The following TIA1 variants were observed in gnomAD, a reference collection of about 807,000 sequenced individuals.
TIA1 encodes cytotoxic granule associated RNA binding protein TIA1.
TIA1 carries 23 observed loss-of-function variants against 65.9 expected under a neutral mutation model. That is an observed-to-expected ratio of 0.35 (90% CI 0.25 to 0.49). The LOEUF (loss-of-function observed/expected upper bound fraction) is 0.49, where lower values mean the gene tolerates loss of function less well. Ranked by LOEUF, TIA1 falls within the 20% of genes least tolerant of loss-of-function variation. TIA1 has a pLI of 0.98. For missense variants in TIA1, 371 were observed against 477.9 expected (o/e 0.78, Z 2.09); for synonymous variants, 147 against 149.4 (o/e 0.98, Z 0.12).
At chr2:70,243,466 A>C (rs2104742663) in intron 1 of TIA1, among the ~76,000 whole-genome samples, 2 of 152,274 alleles carry the variant, frequency 1.3e-5, no homozygotes, top group South Asian at 4.1e-4. Context: ...TAGAATAGTA[A>C]GTGCTTGTGT....
At chr2:70,247,002 G>C (rs1474594054) in intron 1 of TIA1, among the ~76,000 whole-genome samples, 1 of 152,184 alleles carries the variant, frequency 6.6e-6, no homozygotes, top group Non-Finnish European at 1.5e-5. Context: ...AGAATATTAA[G>C]TTTACATTAT....
At chr2:70,236,240 C>A in intron 1 of TIA1, 65 bp from the exon 2 acceptor site, 1 of 1,112,758 alleles carries the variant, frequency 9.0e-7, no homozygotes, top group Non-Finnish European at 1.3e-6. Context: ...CTCTTGTTGC[C>A]CAGGATAGAG....
chr2:70,236,026 A>T, intron 2 of TIA1, 53 bp downstream of exon 2: 1 of 1,092,654 alleles, frequency 9.2e-7, no homozygotes, highest in Non-Finnish European at 1.4e-6. Flanking sequence ...CAATGGCTTT[A>T]AGTAATGTGT....
Position 70,210,555 on chromosome 2 carries a change from T to C in TIA1, c.*2164A>G, listed in dbSNP as rs957563965. 6.6e-6 allele frequency: 1 copy of C among 152,148 alleles called. No homozygotes were observed. The highest frequency in any genetic ancestry group is 1.5e-5 in the Non-Finnish European group (1 of 68,012). 9.4% of individuals were successfully genotyped at this position (152,148 alleles called of 1,614,324 possible). ...TTTTAAGATTTGTGCAATAAGCCAA[T>C]ATGCTGGATAATAAAAACTGTTATT... is the stretch of plus-strand genomic sequence containing the variant. On this transcript the variant is annotated 3_prime_UTR_variant, in exon 13 of 13. Coordinates refer to ENST00000433529, the MANE Select transcript of TIA1 (RefSeq NM_022173.4).
intron 7 of TIA1, among the ~76,000 whole-genome samples, chr2:70,220,917 C>A (rs1380648086): frequency 6.6e-6 from 1 of 151,410 alleles, no homozygotes; most frequent in African/African-American, 2.4e-5. Context: ...TATAACCCCA[C>A]CACTTTGGGA....
rs1201527452 is a variant in TIA1, at chr2:70,210,254, T to C, written c.*2465A>G. 1 of 152,292 alleles carries C rather than the reference T, an allele frequency of 6.6e-6. No homozygotes were observed. Among genetic ancestry groups the C allele is most frequent in the Admixed American group, 6.5e-5 (1 of 15,284 alleles). 9.4% of individuals were successfully genotyped at this position (152,292 alleles called of 1,614,324 possible). A position where few individuals can be genotyped will look rare whatever the true frequency, so the allele number is the denominator to read the frequency against. ...ATATCCAAACATTCAGGGTAAAGAA[T>C]ACTGGATTAATCACCCATTAAGTGT... On this transcript the variant is annotated 3_prime_UTR_variant, in exon 13 of 13. Coordinates refer to ENST00000433529, the MANE Select transcript of TIA1 (RefSeq NM_022173.4).
In TIA1 at chr2:70,209,716, G is replaced by A. The variant is rs1339221833; in HGVS notation, c.*3003C>T. ...TCGTGAAATAAAGAACATTATTTGAGAGAAAAAAACTGATTTTTTTTAAAG... is the reference window on the plus strand; with the variant it reads ...TCGTGAAATAAAGAACATTATTTGAAAGAAAAAAACTGATTTTTTTTAAAG... On this transcript the variant is annotated 3_prime_UTR_variant, in exon 13 of 13. Coordinates refer to ENST00000433529, the MANE Select transcript of TIA1 (RefSeq NM_022173.4). The A allele has an allele frequency of 5.0e-6, 2 of 398,030 alleles. No individual in the cohort carries two copies. The highest frequency in any genetic ancestry group is 2.1e-5 in the African/African-American group (1 of 48,592). The allele number at this position is 398,030 out of a possible 1,614,324, so 24.7% of individuals were successfully genotyped here.
At chr2:70,248,037 AAG>A (rs912635896) in intron 1 of TIA1, among the ~76,000 whole-genome samples, 4 of 152,156 alleles carry the variant, frequency 2.6e-5, no homozygotes, top group African/African-American at 9.7e-5. Flanking sequence ...GTTAATCAAA[AAG>A]GGGGAGAAGC....
chr2:70,218,339 C>T (rs1446757226), intron 7 of TIA1, among the ~76,000 whole-genome samples: 1 of 152,186 alleles, frequency 6.6e-6, no homozygotes, highest in African/African-American at 2.4e-5. Flanking sequence ...ATGTGAAAGA[C>T]TAGTTTCAGT....
At chr2:70,220,968 C>T (rs1018800057) in intron 7 of TIA1, among the ~76,000 whole-genome samples, 1 of 151,484 alleles carries the variant, frequency 6.6e-6, no homozygotes, top group African/African-American at 2.4e-5. Context: ...GAGTTCGAGG[C>T]CAGACTGGGC....
chr2:70,230,411 G>A (rs556228973), intron 3 of TIA1, among the ~76,000 whole-genome samples: 4 of 152,126 alleles, frequency 2.6e-5, no homozygotes, highest in South Asian at 2.1e-4. Flanking sequence ...AACACTTTGC[G>A]AAGCCGAGGC....
chr2:70,226,348 CGT>C (rs1558829145), intron 6 of TIA1, among the ~76,000 whole-genome samples: 1 of 152,036 alleles, frequency 6.6e-6, no homozygotes, highest in African/African-American at 2.4e-5. Flanking sequence ...CTAAAATTCC[CGT>C]GTTTTCAAAA....
At chr2:70,215,281 A>T (rs1678090155) in intron 11 of TIA1, 90 bp downstream of exon 11, 1 of 1,536,688 alleles carries the variant, frequency 6.5e-7, no homozygotes, top group African/African-American at 1.4e-5. Flanking sequence ...TTTTAGCTAG[A>T]AACTTATTAA....
At chr2:70,218,157 T>C (rs1432480454) in intron 7 of TIA1, among the ~76,000 whole-genome samples, 2 of 152,170 alleles carry the variant, frequency 1.3e-5, no homozygotes, top group East Asian at 3.9e-4. Context: ...GGCACAAGGA[T>C]CTACTACAGA....
chr2:70,218,718 C>G (rs1679839360), intron 7 of TIA1, among the ~76,000 whole-genome samples: 1 of 152,192 alleles, frequency 6.6e-6, no homozygotes, highest in African/African-American at 2.4e-5. Context: ...CAGGCGTGAG[C>G]CACCGCACCC....
At chr2:70,225,649 T>A (rs1161261859) in intron 6 of TIA1, among the ~76,000 whole-genome samples, 1 of 152,204 alleles carries the variant, frequency 6.6e-6, no homozygotes, top group African/African-American at 2.4e-5. Flanking sequence ...TTTAGATCAA[T>A]CTGAGTGATT....
intron 2 of TIA1, among the ~76,000 whole-genome samples, chr2:70,235,541 AGTGT>A (rs145663932): frequency 8.4e-4 from 124 of 147,310 alleles, no homozygotes; most frequent in Middle Eastern, 3.5e-3. Context: ...TAGATGAATG[AGTGT>A]GTGTGTGTGT....
chr2:70,217,085 C>A, intron 7 of TIA1, 91 bp from the exon 8 acceptor site: 1 of 1,341,788 alleles, frequency 7.5e-7, no homozygotes, highest in Non-Finnish European at 9.9e-7. Flanking sequence ...GTGCTTTTCA[C>A]AAATGTTTAA....
Position 70,211,351 on chromosome 2 carries a change from C to T in TIA1, c.*1368G>A, listed in dbSNP as rs760819652. The T allele has an allele frequency of 7.2e-5, 11 of 152,020 alleles. No individual in the cohort carries two copies. Among genetic ancestry groups the T allele is most frequent in the Non-Finnish European group, 1.6e-4 (11 of 67,988 alleles). 9.4% of individuals were successfully genotyped at this position (152,020 alleles called of 1,614,324 possible). A position where few individuals can be genotyped will look rare whatever the true frequency, so the allele number is the denominator to read the frequency against. On this transcript the variant is annotated 3_prime_UTR_variant, in exon 13 of 13. Transcript: ENST00000433529. ...GAACTCCAGGAAAACAGGTACCAAA[C>T]GAATCAAAATAATGATTGCACTGAG...
Sources: allele counts gnomAD v4.1 joint callset (sites outside exome capture counted in the v4.1 genomes callset), GRCh38; gene constraint gnomAD v4.1.1; transcripts MANE v1.5; gene names NCBI Gene and HGNC (gene_info 2026-07-23, HGNC 2026-07-21).